The following CNST variants were observed in gnomAD, a reference collection of about 807,000 sequenced individuals.
CNST encodes consortin.
CNST carries 39 observed loss-of-function variants against 72.4 expected under a neutral mutation model. The observed-to-expected ratio is 0.54, with a 90% CI of 0.42 to 0.70. The LOEUF is 0.70. CNST is among the 30% of genes least tolerant of loss of function. The pLI, the probability that CNST is intolerant of heterozygous loss-of-function variation, is 0.00. For synonymous variants in CNST, 332 were observed against 320.1 expected, an observed-to-expected ratio of 1.04 and a Z score of -0.40; for missense variants, 871 against 868.5, an observed-to-expected ratio of 1.00 and a Z score of -0.04.
rs1448241339 is a variant in CNST, at chr1:246,667,270, G to A, written c.*1365G>A. 3 of 152,134 alleles carry A rather than the reference G, an allele frequency of 2.0e-5. No individual in the cohort carries two copies. Among genetic ancestry groups the A allele is most frequent in the Non-Finnish European group, 4.4e-5 (3 of 68,024 alleles). 9.4% of individuals were successfully genotyped at this position (152,134 alleles called of 1,614,324 possible). A position where few individuals can be genotyped will look rare whatever the true frequency, so the allele number is the denominator to read the frequency against. ...ACTGGCTGGCACAGTACCTCCCTTT[G>A]TGTTTCTGCTTATTTATTTAGATTA... is the stretch of plus-strand genomic sequence containing the variant. On this transcript the variant is annotated 3_prime_UTR_variant, in exon 11 of 11. Coordinates refer to ENST00000366513, the MANE Select transcript of CNST (RefSeq NM_152609.3).
chr1:246,578,399 G>A (rs528033979), intron 1 of CNST, among the ~76,000 whole-genome samples: 9 of 152,086 alleles, frequency 5.9e-5, no homozygotes, highest in Admixed American at 2.0e-4. Context: ...TCGGCTGGGC[G>A]TGGTGGCTCA....
At chr1:246,573,563 C>G (rs1660195001) in intron 1 of CNST, among the ~76,000 whole-genome samples, 1 of 152,156 alleles carries the variant, frequency 6.6e-6, no homozygotes, top group African/African-American at 2.4e-5. Flanking sequence ...CTTCCTGTCT[C>G]CACTGCATAG....
rs188805648 is a variant in CNST at position 246,627,582 on chromosome 1, T to C, written c.586-4312T>C. On this transcript the variant is annotated intron_variant, in intron 3 of 10. Coordinates refer to ENST00000366513, the MANE Select transcript of CNST (RefSeq NM_152609.3). ...CAAAGGGAGATTTTAAGATGACAGC[T>C]GTATGCCAGGAAGGAGAGGGTAACC... Among the ~76,000 whole-genome samples the C allele has an allele frequency of 1.5e-4, 23 of 152,316 alleles. No individual in the cohort carries two copies. The East Asian group carries it at 4.4e-3, about 29-fold the overall frequency.
chr1:246,574,827 T>C (rs12090043), intron 1 of CNST, among the ~76,000 whole-genome samples: 3,377 of 152,234 alleles, frequency 0.022, 64 homozygotes, highest in East Asian at 0.062. Flanking sequence ...AAATCTCTCT[T>C]ATAAGCAGCT....
intron 1 of CNST, chr1:246,569,786 A>G (rs1659953031): frequency 5.6e-6 from 1 of 180,014 alleles, no homozygotes; most frequent in African/African-American, 2.4e-5. Flanking sequence ...AATGAGGCTC[A>G]TAAGATGAAT....
At chr1:246,632,153 C>T in intron 4 of CNST, 1 of 424,194 alleles carries the variant, frequency 2.4e-6, no homozygotes, top group South Asian at 5.2e-5. Context: ...CATAAATAGG[C>T]CTTAATTTTA....
intron 1 of CNST, among the ~76,000 whole-genome samples, chr1:246,573,360 A>G (rs557751127): frequency 5.9e-5 from 9 of 152,342 alleles, no homozygotes; most frequent in Non-Finnish European, 1.0e-4. Flanking sequence ...TTACATTTGA[A>G]CTTTTGTTTT....
chr1:246,601,820 A>G (rs1460643425), intron 2 of CNST, among the ~76,000 whole-genome samples: 1 of 152,200 alleles, frequency 6.6e-6, no homozygotes, highest in East Asian at 1.9e-4. Flanking sequence ...TAATAAATAA[A>G]TAAATAAAAT....
Position 246,572,944 on chromosome 1 carries a change from C to G in CNST, c.-52+6281C>G, listed in dbSNP as rs114700345. Among the ~76,000 whole-genome samples the G allele has an allele frequency of 3.9e-3, 591 of 152,174 alleles. 3 individuals carry two copies. Among genetic ancestry groups the G allele is most frequent in the African/African-American group, 0.014 (567 of 41,506 alleles). ...CACTTGTGAAGCATGAAAAAGTTTA[C>G]TTAAATTGGATCTTACAAGGATTCA... is the stretch of plus-strand genomic sequence containing the variant. On this transcript the variant is annotated intron_variant, in intron 1 of 10. Coordinates refer to ENST00000366513, the MANE Select transcript of CNST (RefSeq NM_152609.3).
At chr1:246,588,990 T>C (rs1396949155) in intron 1 of CNST, among the ~76,000 whole-genome samples, 1 of 152,198 alleles carries the variant, frequency 6.6e-6, no homozygotes, top group Non-Finnish European at 1.5e-5. Flanking sequence ...TGTGTTCATA[T>C]TTCAGGTACT....
At chr1:246,648,090 T>A (rs755507744) in intron 9 of CNST, 53 bp downstream of exon 9, 5 of 1,532,198 alleles carry the variant, frequency 3.3e-6, no homozygotes, top group Non-Finnish European at 4.4e-6. Context: ...AAAAAACATA[T>A]ATATGTATTA....
intron 10 of CNST, 30 bp downstream of exon 10, chr1:246,660,364 A>T: frequency 6.3e-7 from 1 of 1,598,958 alleles, no homozygotes; most frequent in Non-Finnish European, 8.5e-7. Context: ...GGCTAGCAGG[A>T]TAGATGCTCA....
At position 246,647,700 on chromosome 1, in the gene CNST, A is replaced by G; in HGVS notation, c.1499A>G (p.Gln500Arg). The G allele has an allele frequency of 2.5e-6, 4 of 1,614,192 alleles. No individual in the cohort carries two copies. The highest frequency in any genetic ancestry group is 3.4e-6 in the Non-Finnish European group (4 of 1,180,026). ...AGTGATGGAAAATCACCACAGGCGC[A>G]GGCTGACTCAGACGGTTCTGAGAAT... is the stretch of plus-strand genomic sequence containing the variant. ...TDSDGKSPQAQADSDGSENVL... is the reference protein window; with the variant it reads ...TDSDGKSPQARADSDGSENVL... Residue 500 changes from glutamine to arginine, a missense_variant, in exon 9 of 11, where the codon CAG (glutamine) becomes CGG (arginine). Transcript: ENST00000366513.
chr1:246,639,719 G>A (rs138825415), intron 6 of CNST, among the ~76,000 whole-genome samples: 41 of 152,300 alleles, frequency 2.7e-4, no homozygotes, highest in Non-Finnish European at 4.3e-4. Context: ...CAGGTGCAAG[G>A]CACTAGTATT....
At chr1:246,650,536 A>G (rs925765831) in intron 9 of CNST, among the ~76,000 whole-genome samples, 2 of 152,312 alleles carry the variant, frequency 1.3e-5, no homozygotes, top group South Asian at 2.1e-4. Flanking sequence ...CTAATACTTA[A>G]TATTTTCTAA....
chr1:246,624,633 A>C (rs1429737388), intron 3 of CNST, among the ~76,000 whole-genome samples: 2 of 152,224 alleles, frequency 1.3e-5, no homozygotes, highest in Non-Finnish European at 2.9e-5. Context: ...AAGAAGACAG[A>C]ATATCCTGTC....
rs529563184 is a variant in CNST at position 246,574,232 on chromosome 1, G to A, written c.-52+7569G>A. Among the ~76,000 whole-genome samples, 231 of 152,154 alleles carry A rather than the reference G, an allele frequency of 1.5e-3. 1 individual carries two copies. Among genetic ancestry groups the A allele is most frequent in the African/African-American group, 5.3e-3 (221 of 41,532 alleles). On this transcript the variant is annotated intron_variant, in intron 1 of 10. Transcript: ENST00000366513. ...AATTTTTTGTATTTTTATTAGAGACGGGATTTCACCGTGTTAGCCAGGATG... is the reference window on the plus strand; with the variant it reads ...AATTTTTTGTATTTTTATTAGAGACAGGATTTCACCGTGTTAGCCAGGATG...
At chr1:246,577,803 A>G (rs3898320) in intron 1 of CNST, among the ~76,000 whole-genome samples, 4,771 of 152,158 alleles carry the variant, frequency 0.031, 303 homozygotes, top group African/African-American at 0.1. Flanking sequence ...GAAAAGAACT[A>G]AAACAGTCTG....
Position 246,666,022 on chromosome 1 carries a change from C to A in CNST, c.*117C>A. ...CCTTCCCTCTGTTAGGAACCAAGGA[C>A]ATCAGAAATAGCAACTTTAAGTGGC... On this transcript the variant is annotated 3_prime_UTR_variant, in exon 11 of 11. Transcript: ENST00000366513. 1.4e-6 allele frequency: 1 copy of A among 711,318 alleles called. No homozygotes were observed. The highest frequency in any genetic ancestry group is 2.3e-6 in the Non-Finnish European group (1 of 435,470). The allele number at this position is 711,318 out of a possible 1,614,324, so 44.1% of individuals were successfully genotyped here. A position where few individuals can be genotyped will look rare whatever the true frequency, so the allele number is the denominator to read the frequency against.
Sources: allele counts gnomAD v4.1 joint callset (sites outside exome capture counted in the v4.1 genomes callset), GRCh38; gene constraint gnomAD v4.1.1; transcripts MANE v1.5; gene names NCBI Gene and HGNC (gene_info 2026-07-23, HGNC 2026-07-21).